HDAC10: variants seen among roughly 807,000 people sequenced by gnomAD.
HDAC10 encodes polyamine deacetylase HDAC10.
A neutral mutation model predicts 82.3 loss-of-function variants in HDAC10; 90 were observed. That is an observed-to-expected ratio of 1.09 (90% CI 0.92 to 1.30). The LOEUF (loss-of-function observed/expected upper bound fraction) is 1.30. Among genes scored for constraint, HDAC10 ranks in the 50% most tolerant of loss-of-function variants. The pLI, the probability that HDAC10 is intolerant of heterozygous loss-of-function variation, is 0.00. For synonymous variants in HDAC10, 456 were observed against 391.7 expected, an observed-to-expected ratio of 1.16 and a Z score of -1.94; for missense variants, 934 against 876.3, an observed-to-expected ratio of 1.07 and a Z score of -0.83.
In HDAC10 at chr22:50,248,489, G is replaced by A. The variant is rs372393298; in HGVS notation, c.907-17C>T. 2 of 1,597,052 alleles carry A rather than the reference G, an allele frequency of 1.3e-6. No individual in the cohort carries two copies. Among genetic ancestry groups the A allele is most frequent in the Non-Finnish European group, 1.7e-6 (2 of 1,175,220 alleles). On this transcript the variant is annotated splice_polypyrimidine_tract_variant and intron_variant, in intron 10 of 19. Transcript: ENST00000216271. This position sits in a 1 kb window ranked among gnomAD's most constrained non-coding sequence, Gnocchi z 5.4. ...GTAGCCGCCCTGGGAGGAGGGTGGA[G>A]ACATGATTGGGGCAGAGATATCACT...
rs780307636 is a variant in HDAC10 at position 50,249,103 on chromosome 22, C to G, written c.756G>C (p.Glu252Asp). 1.4e-5 allele frequency: 23 copies of G among 1,598,156 alleles called. No homozygotes were observed. Among genetic ancestry groups the G allele is most frequent in the Non-Finnish European group, 1.9e-5 (22 of 1,172,810 alleles). ...FLHLLLPLAF[E>D]FDPELVLVSA... ...CTGGGGGAGCCCTCCGTGCAGTCAC[C>G]TCAAAGGCCAGTGGGAGCAGCAGGT... Residue 252 changes from glutamate to aspartate, a missense_variant and splice_region_variant, in exon 8 of 20, where the codon GAG becomes GAC. Glu to Asp is a conservative substitution (Grantham distance 45). Transcript: ENST00000216271. This position sits in a 1 kb window ranked among gnomAD's most constrained non-coding sequence, Gnocchi z 4.4.
rs755525016 is a variant in HDAC10 at position 50,245,895 on chromosome 22, C to G, written c.1833+15G>C. 1.3e-6 allele frequency: 2 copies of G among 1,561,564 alleles called. No homozygotes were observed. Among genetic ancestry groups the G allele is most frequent in the Non-Finnish European group, 1.7e-6 (2 of 1,152,926 alleles). ...CTCGTCCCACCCCGCAGCACCTCCA[C>G]CCTGCCCAGCTTACCTCCTCCAGGA... is the stretch of plus-strand genomic sequence containing the variant. On this transcript the variant is annotated intron_variant, in intron 18 of 19. Transcript: ENST00000216271.
rs878902135 is a variant in HDAC10 at position 50,248,381 on chromosome 22, A to G, written c.998T>C (p.Met333Thr). The change falls in exon 11 of 20, where the codon ATG (methionine) becomes ACG (threonine). Residue 333 changes from methionine (M) to threonine (T), a missense_variant. By Grantham distance (81) the Met-to-Thr change is moderately conservative (BLOSUM62 -1). Transcript: ENST00000216271. The surrounding 1 kb of genome is among the most constrained non-coding windows in gnomAD (Gnocchi z 5.4). ...CCCCTCGCACCTCTGACATGGCGCC[A>G]TTGGCCCTGACAGGGGTGGGGCCGG... Reference protein sequence around the residue: ...GDPAPPLSGPMAPCQSALESI... With the variant: ...GDPAPPLSGPTAPCQSALESI... 1.2e-6 allele frequency: 2 copies of G among 1,610,150 alleles called. No homozygotes were observed. Among genetic ancestry groups the G allele is most frequent in the Admixed American group, 3.3e-5 (2 of 59,970 alleles).
At position 50,246,078 on chromosome 22, in the gene HDAC10, G is replaced by A. The variant is rs770651047; in HGVS notation, c.1665C>T (p.Phe555=). 3 of 1,607,444 alleles carry A rather than the reference G, an allele frequency of 1.9e-6. No individual in the cohort carries two copies. Among genetic ancestry groups the A allele is most frequent in the Middle Eastern group, 1.7e-4 (1 of 6,028 alleles). The change falls in exon 18 of 20, where the codon TTC becomes TTT. Residue 555 remains phenylalanine (F), a synonymous_variant. Coordinates refer to ENST00000216271, the MANE Select transcript of HDAC10 (RefSeq NM_032019.6). ...STPLPVMTGG[F]LSCILGLVLP... Reference sequence around the variant, plus strand: ...GCACCAAGCCCAAGATGCAGCTCAGGAAACCACCGGTCATCTGTGGGGACA... The same window carrying A: ...GCACCAAGCCCAAGATGCAGCTCAGAAAACCACCGGTCATCTGTGGGGACA...
rs769618185 is a variant in HDAC10 at position 50,245,975 on chromosome 22, C to T, written c.1768G>A (p.Ala590Thr). ...CGAAGCATTGCAGCCAGGAGTGCAG[C>T]GTGGGGGCCCTGCAGGCCATGGCCA... ...GPGHGLQGPH[A>T]ALLAAMLRGL... The change falls in exon 18 of 20, where the codon GCT becomes ACT. Residue 590 changes from alanine (A) to threonine (T), a missense_variant. Coordinates refer to ENST00000216271, the MANE Select transcript of HDAC10 (RefSeq NM_032019.6). 24 of 1,608,554 alleles carry T rather than the reference C, an allele frequency of 1.5e-5. No homozygotes were observed. Among genetic ancestry groups the T allele is most frequent in the East Asian group, 2.2e-5 (1 of 44,684 alleles).
chr22:50,251,131 A>C lies in HDAC10; in HGVS notation c.-99T>G. ...GGCCGGGAGCAGCCGGAGGCCTGGG[A>C]CCTGCCTGGGGCGCAGGCGGGCGGC... On this transcript the variant is annotated 5_prime_UTR_variant, in exon 1 of 20. Coordinates refer to ENST00000216271, the MANE Select transcript of HDAC10 (RefSeq NM_032019.6). 1 of 1,322,922 alleles carries C rather than the reference A, an allele frequency of 7.6e-7. No individual in the cohort carries two copies. The highest frequency in any genetic ancestry group is 1.0e-6 in the Non-Finnish European group (1 of 955,710). The allele number at this position is 1,322,922 out of a possible 1,614,324, so 81.9% of individuals were successfully genotyped here.
At chr22:50,250,575 GGGC>G (rs757649686) in intron 2 of HDAC10, 52 bp from the exon 3 acceptor site, 1 of 1,472,214 alleles carries the variant, frequency 6.8e-7, no homozygotes, top group South Asian at 1.1e-5. Context: ...AGGAGCAGGG[GGGC>G]GGGAGGCGGG....
chr22:50,245,977 T>G lies in HDAC10; in HGVS notation c.1766A>C (p.His589Pro). The change falls in exon 18 of 20, where the codon CAC becomes CCC. Residue 589 changes from histidine to proline, a missense_variant. By Grantham distance (77) the His-to-Pro change is moderately conservative. Coordinates refer to ENST00000216271, the MANE Select transcript of HDAC10 (RefSeq NM_032019.6). ...LGPGHGLQGP[H>P]AALLAAMLRG... ...AAGCATTGCAGCCAGGAGTGCAGCG[T>G]GGGGGCCCTGCAGGCCATGGCCAGG... The G allele has an allele frequency of 1.2e-6, 2 of 1,609,408 alleles. No homozygotes were observed. Among genetic ancestry groups the G allele is most frequent in the South Asian group, 2.2e-5 (2 of 90,520 alleles).
intron 16 of HDAC10, 104 bp from the exon 17 acceptor site, chr22:50,246,480 G>T: frequency 1.8e-6 from 2 of 1,092,414 alleles, no homozygotes; most frequent in East Asian, 2.4e-5. Context: ...GGGCAGGGGT[G>T]CTGTGACTGC....
Position 50,248,951 on chromosome 22 carries a change from G to T in HDAC10, c.757-61C>A. ...GAGGGGCTGGAGCCCAGGTGAGGGC[G>T]AGCCAGGCCCATCCCATCCCCTCCT... is the stretch of plus-strand genomic sequence containing the variant. On this transcript the variant is annotated intron_variant, in intron 8 of 19. Transcript: ENST00000216271. The surrounding 1 kb of genome is among the most constrained non-coding windows in gnomAD (Gnocchi z 5.4). 6.5e-7 allele frequency: 1 copy of T among 1,550,124 alleles called. No individual in the cohort carries two copies. The highest frequency in any genetic ancestry group is 2.3e-5 in the East Asian group (1 of 42,948).
chr22:50,250,556 G>A (rs1252005850), intron 2 of HDAC10, 33 bp from the exon 3 acceptor site: 2 of 1,543,584 alleles, frequency 1.3e-6, no homozygotes, highest in East Asian at 2.2e-5. Flanking sequence ...GAGAGGCAGG[G>A]TCACCAGCAG....
At chr22:50,246,590 C>A in intron 16 of HDAC10, 89 bp downstream of exon 16, 1 of 1,306,884 alleles carries the variant, frequency 7.7e-7, no homozygotes, top group Non-Finnish European at 1.1e-6. Context: ...CAGTGCCCCA[C>A]CCACCCGTCA....
At position 50,249,239 on chromosome 22, in the gene HDAC10, G is replaced by A; in HGVS notation, c.691-71C>T. The A allele has an allele frequency of 7.7e-7, 1 of 1,300,938 alleles. No individual in the cohort carries two copies. Among genetic ancestry groups the A allele is most frequent in the Middle Eastern group, 2.6e-4 (1 of 3,814 alleles). The allele number at this position is 1,300,938 out of a possible 1,614,324, so 80.6% of individuals were successfully genotyped here. ...GGGGCCCGGGGGAGGGGGTGGGTGG[G>A]GACCTGGGGCTTGAGGGTGAACTGT... On this transcript the variant is annotated intron_variant, in intron 7 of 19. Transcript: ENST00000216271. This position sits in a 1 kb window ranked among gnomAD's most constrained non-coding sequence, Gnocchi z 4.4.
chr22:50,250,573 G>A (rs77003572), intron 2 of HDAC10, 50 bp from the exon 3 acceptor site: 38,204 of 1,473,834 alleles, frequency 0.026, 850 homozygotes, highest in East Asian at 0.11. Flanking sequence ...GCAGGAGCAG[G>A]GGGGCGGGAG....
chr22:50,249,868 C>A lies in HDAC10; in HGVS notation c.486G>T (p.Gly162=), dbSNP rs577983155. ...IAAAHAKQKH[G]LHRILVVDWD... ...GCCAGCCTGGCACACACCTGTGTAGCCCGTGTTTCTGCTTGGCATGTGCAG... is the reference window on the plus strand; with the variant it reads ...GCCAGCCTGGCACACACCTGTGTAGACCGTGTTTCTGCTTGGCATGTGCAG... Residue 162 remains glycine, a synonymous_variant, in exon 5 of 20, where the codon GGG becomes GGT. Transcript: ENST00000216271. This position sits in a 1 kb window ranked among gnomAD's most constrained non-coding sequence, Gnocchi z 4.4. 3 of 1,612,344 alleles carry A rather than the reference C, an allele frequency of 1.9e-6. No homozygotes were observed. In the East Asian group the frequency reaches 6.7e-5, roughly 36 times the overall value.
chr22:50,249,919 A>G lies in HDAC10; in HGVS notation c.435T>C (p.Cys145=), dbSNP rs1555048. 0.73 allele frequency: 1,181,156 copies of G among 1,612,280 alleles called. 437,584 individuals carry two copies. Among genetic ancestry groups the G allele is most frequent in the African/African-American group, 0.95 (70,965 of 74,978 alleles). ...CTGCTATGGCCACGTTGTTGAACAC[A>G]CAGAACCCGTTGGCAGCCGCCCTCT... ...HGQRAAANGF[C]VFNNVAIAAA... Residue 145 remains cysteine (C), a synonymous_variant, in exon 5 of 20, where the codon TGT becomes TGC. Coordinates refer to ENST00000216271, the MANE Select transcript of HDAC10 (RefSeq NM_032019.6). This position sits in a 1 kb window ranked among gnomAD's most constrained non-coding sequence, Gnocchi z 4.4.
At position 50,249,436 on chromosome 22, in the gene HDAC10, C is replaced by T; in HGVS notation, c.582G>A (p.Trp194Ter). Residue 194 changes from tryptophan (W) to a stop codon, truncating the protein, a stop_gained, in exon 7 of 20, where the codon TGG (tryptophan) becomes TGA (stop). Transcript: ENST00000216271. LOFTEE classifies it high-confidence loss of function. The surrounding 1 kb of genome is among the most constrained non-coding windows in gnomAD (Gnocchi z 4.4). ...EDDPSVLYFS[W>*]HRYEHGRFWP... ...AGAAGCGCCCATGCTCATAGCGGTG[C>T]CAGGAGAAGTAAAGGACGCTGCCAA... 6.2e-7 allele frequency: 1 copy of T among 1,612,644 alleles called. No individual in the cohort carries two copies. The highest frequency in any genetic ancestry group is 8.5e-7 in the Non-Finnish European group (1 of 1,179,924).
chr22:50,247,932 T>G lies in HDAC10; in HGVS notation c.1295A>C (p.Gln432Pro). 6.2e-7 allele frequency: 1 copy of G among 1,612,792 alleles called. No homozygotes were observed. The highest frequency in any genetic ancestry group is 1.1e-5 in the South Asian group (1 of 91,080). The change falls in exon 13 of 20, where the codon CAG becomes CCG. Residue 432 changes from glutamine (Q) to proline (P), a missense_variant. Physicochemically the swap from Gln to Pro is moderately conservative, Grantham distance 76. Coordinates refer to ENST00000216271, the MANE Select transcript of HDAC10 (RefSeq NM_032019.6). ...TLVLPPDVIQ[Q>P]EASALREETE... ...CTCCTCCCTCAGGGCTGACGCTTCCTGTTGGATGACGTCAGGGGGCAGAAC... is the reference window on the plus strand; with the variant it reads ...CTCCTCCCTCAGGGCTGACGCTTCCGGTTGGATGACGTCAGGGGGCAGAAC...
chr22:50,246,546 A>G, intron 16 of HDAC10, 133 bp downstream of exon 16: 1 of 1,093,866 alleles, frequency 9.1e-7, no homozygotes, highest in South Asian at 1.4e-5. Flanking sequence ...CTTCTCCCAC[A>G]CCCCAGCTGA....
Sources: allele counts gnomAD v4.1 joint callset, GRCh38; gene constraint gnomAD v4.1.1; non-coding constraint Gnocchi (gnomAD v3.1); transcripts MANE v1.5; gene names NCBI Gene and HGNC (gene_info 2026-07-23, HGNC 2026-07-21).